Variants in NDUFAF2 observed in about 807,000 individuals in gnomAD.
The protein encoded by NDUFAF2 is NADH:ubiquinone oxidoreductase complex assembly factor 2.
A neutral mutation model predicts 22.8 loss-of-function variants in NDUFAF2; 13 were observed. The ratio of observed to expected loss-of-function variants is 0.57; its 90% CI spans 0.37 to 0.91. The LOEUF (loss-of-function observed/expected upper bound fraction) is 0.91, where lower values mean the gene tolerates loss of function less well. Ranked by LOEUF, NDUFAF2 falls within the 40% of genes least tolerant of loss-of-function variation. The pLI is 0.01. For missense variants in NDUFAF2, 162 were observed against 195.2 expected (o/e 0.83, Z 1.01); for synonymous variants, 53 against 64.2 (o/e 0.83, Z 0.84).
chr5:61,098,089 A>G (rs1282494459), intron 2 of NDUFAF2, among the ~76,000 whole-genome samples: 1 of 152,222 alleles, frequency 6.6e-6, no homozygotes, highest in Non-Finnish European at 1.5e-5. Context: ...TTATTGAATA[A>G]TAGTAATAAT....
At chr5:61,061,220 A>G (rs922384383) in intron 1 of NDUFAF2, among the ~76,000 whole-genome samples, 46 of 152,198 alleles carry the variant, frequency 3.0e-4, no homozygotes, top group African/African-American at 1.1e-3. Flanking sequence ...AAATAAAAAC[A>G]ATCCCTTTCC....
At chr5:61,059,721 A>G (rs1752140935) in intron 1 of NDUFAF2, among the ~76,000 whole-genome samples, 1 of 152,108 alleles carries the variant, frequency 6.6e-6, no homozygotes, top group South Asian at 2.1e-4. Flanking sequence ...TAGGTAATTC[A>G]TTGAACTAGT....
At chr5:61,100,008 C>T (rs561724090) in intron 3 of NDUFAF2, among the ~76,000 whole-genome samples, 2 of 152,292 alleles carry the variant, frequency 1.3e-5, no homozygotes, top group Admixed American at 6.5e-5. Context: ...CGGCCAGGGT[C>T]TGACTGAGTA....
intron 1 of NDUFAF2, among the ~76,000 whole-genome samples, chr5:60,991,059 A>G (rs1751151918): frequency 6.6e-6 from 1 of 152,240 alleles, no homozygotes; most frequent in African/African-American, 2.4e-5. Flanking sequence ...AAATAGACCA[A>G]TTAACACTTT....
chr5:60,999,613 T>C (rs1332541820), intron 1 of NDUFAF2, among the ~76,000 whole-genome samples: 1 of 152,054 alleles, frequency 6.6e-6, no homozygotes, highest in African/African-American at 2.4e-5. Flanking sequence ...GTTGGGGTGG[T>C]GAGAATGTTT....
In NDUFAF2 at chr5:61,062,555, T is replaced by C. The variant is rs188382393; in HGVS notation, c.128-10570T>C. Among the ~76,000 whole-genome samples, 369 of 152,220 alleles carry C rather than the reference T, an allele frequency of 2.4e-3. 2 individuals carry two copies. The highest frequency in any genetic ancestry group is 8.5e-3 in the African/African-American group (352 of 41,536). Reference sequence around the variant, plus strand: ...GAGTGAAGACTGCCTATAAGACTTATGAGACACCATTAAGAAAATAAATGT... The same window carrying C: ...GAGTGAAGACTGCCTATAAGACTTACGAGACACCATTAAGAAAATAAATGT... On this transcript the variant is annotated intron_variant, in intron 1 of 3. Coordinates refer to ENST00000296597, the MANE Select transcript of NDUFAF2 (RefSeq NM_174889.5).
chr5:60,958,776 A>T (rs1390213240), intron 1 of NDUFAF2, among the ~76,000 whole-genome samples: 2 of 152,154 alleles, frequency 1.3e-5, no homozygotes, highest in African/African-American at 4.8e-5. Context: ...TGCTTAAGAT[A>T]TACTTTTCTT....
At chr5:61,051,507 T>G (rs755085069) in intron 1 of NDUFAF2, among the ~76,000 whole-genome samples, 1 of 152,278 alleles carries the variant, frequency 6.6e-6, no homozygotes, top group South Asian at 2.1e-4. Context: ...ATATGAGTCA[T>G]AGTGGGAAAA....
At chr5:61,026,074 A>T (rs1474137246) in intron 1 of NDUFAF2, among the ~76,000 whole-genome samples, 1 of 152,138 alleles carries the variant, frequency 6.6e-6, no homozygotes. Context: ...AAATTCAAAC[A>T]TGAGGAAATT....
At chr5:61,015,480 CT>C (rs1412735296) in intron 1 of NDUFAF2, among the ~76,000 whole-genome samples, 3 of 152,076 alleles carry the variant, frequency 2.0e-5, no homozygotes, top group African/African-American at 7.2e-5. Flanking sequence ...TGGAGTTTCA[CT>C]ATGTTGGCCA....
chr5:61,084,883 G>GAT (rs1426614465), intron 2 of NDUFAF2, among the ~76,000 whole-genome samples: 2 of 152,106 alleles, frequency 1.3e-5, no homozygotes, highest in South Asian at 2.1e-4. Context: ...TTGTCAGAAT[G>GAT]ATATATATAG....
intron 1 of NDUFAF2, among the ~76,000 whole-genome samples, chr5:61,064,967 C>T (rs575900295): frequency 1.3e-5 from 2 of 151,246 alleles, no homozygotes; most frequent in Non-Finnish European, 3.0e-5. Flanking sequence ...TTTACAAACC[C>T]TTAACCAGTC....
At chr5:61,011,000 GAGT>G (rs1751436152) in intron 1 of NDUFAF2, among the ~76,000 whole-genome samples, 1 of 152,112 alleles carries the variant, frequency 6.6e-6, no homozygotes, top group Non-Finnish European at 1.5e-5. Flanking sequence ...AAGGACAGCA[GAGT>G]AGCCAGATAG....
rs555620794 is a variant in NDUFAF2 at position 61,058,412 on chromosome 5, T to C, written c.128-14713T>C. On this transcript the variant is annotated intron_variant, in intron 1 of 3. Coordinates refer to ENST00000296597, the MANE Select transcript of NDUFAF2 (RefSeq NM_174889.5). ...ACTAATTTTGAAAGAAAATACTCTT[T>C]TTATATATATTTTTATATCAAGGGT... Among the ~76,000 whole-genome samples, 62 of 152,104 alleles carry C rather than the reference T, an allele frequency of 4.1e-4. No homozygotes were observed. The East Asian group carries it at 0.011, about 26-fold the overall frequency.
chr5:61,058,685 A>C (rs1185870532), intron 1 of NDUFAF2, among the ~76,000 whole-genome samples: 1 of 151,938 alleles, frequency 6.6e-6, no homozygotes, highest in Non-Finnish European at 1.5e-5. Flanking sequence ...CCTAATATTC[A>C]TTTTTCTGAC....
At chr5:61,107,947 G>T (rs1025595571) in intron 3 of NDUFAF2, among the ~76,000 whole-genome samples, 4 of 150,590 alleles carry the variant, frequency 2.7e-5, no homozygotes, top group South Asian at 2.1e-4. Context: ...ATAGTTTACT[G>T]AGAATGATGA....
chr5:61,009,820 G>A (rs553788829), intron 1 of NDUFAF2, among the ~76,000 whole-genome samples: 78 of 152,060 alleles, frequency 5.1e-4, no homozygotes, highest in Non-Finnish European at 8.8e-4. Context: ...ATTTAATGGG[G>A]CCTCAGAATC....
intron 1 of NDUFAF2, among the ~76,000 whole-genome samples, chr5:61,045,711 A>G (rs1277641449): frequency 7.2e-6 from 1 of 138,402 alleles, no homozygotes; most frequent in African/African-American, 2.7e-5. Flanking sequence ...GTTTGTTCTA[A>G]CAGTTTTTTG....
chr5:61,131,537 A>G (rs1303905170), intron 3 of NDUFAF2, among the ~76,000 whole-genome samples: 2 of 152,178 alleles, frequency 1.3e-5, no homozygotes, highest in Non-Finnish European at 2.9e-5. Context: ...TACAAATTTT[A>G]TACAAGAATG....
Sources: allele counts gnomAD v4.1 joint callset (sites outside exome capture counted in the v4.1 genomes callset), GRCh38; gene constraint gnomAD v4.1.1; transcripts MANE v1.5; gene names NCBI Gene and HGNC (gene_info 2026-07-23, HGNC 2026-07-21).